ZFHX3: variants seen among roughly 807,000 people sequenced by gnomAD.
The protein encoded by ZFHX3 is zinc finger homeobox protein 3.
A neutral mutation model predicts 279.1 loss-of-function variants in ZFHX3; 42 were observed. That is an observed-to-expected ratio of 0.15 (90% CI 0.12 to 0.19). The LOEUF is 0.19. Ranked by LOEUF, ZFHX3 falls within the 10% of genes least tolerant of loss-of-function variation. The pLI is 1.00. For missense variants in ZFHX3, 4,981 were observed against 4,754.0 expected (o/e 1.05, Z -1.40); for synonymous variants, 2,293 against 1,957.8 (o/e 1.17, Z -4.52).
intron 1 of ZFHX3, among the ~76,000 whole-genome samples, chr16:73,863,178 C>T (rs1474301293): frequency 6.6e-6 from 1 of 152,106 alleles, no homozygotes; most frequent in African/African-American, 2.4e-5. Context: ...TGCACTCCAG[C>T]CTGGGCGACA....
chr16:73,830,395 G>T (rs929594105), intron 1 of ZFHX3, among the ~76,000 whole-genome samples: 4 of 151,928 alleles, frequency 2.6e-5, no homozygotes, highest in Admixed American at 2.0e-4. Context: ...GCTGTAGACC[G>T]GAGCTGTTCC....
chr16:73,074,296 T>A (rs1281002563), intron 8 of ZFHX3, among the ~76,000 whole-genome samples: 1 of 152,204 alleles, frequency 6.6e-6, no homozygotes, highest in Admixed American at 6.5e-5. Flanking sequence ...CTCACCCAGC[T>A]CCTCATATTC....
chr16:73,500,893 T>C (rs939170799), intron 2 of ZFHX3, among the ~76,000 whole-genome samples: 1 of 152,196 alleles, frequency 6.6e-6, no homozygotes, highest in Non-Finnish European at 1.5e-5. Context: ...AATACTGTAA[T>C]AAATCTAACG....
intron 1 of ZFHX3, among the ~76,000 whole-genome samples, chr16:73,766,131 G>A (rs190170444): frequency 9.2e-5 from 14 of 152,190 alleles, no homozygotes; most frequent in African/African-American, 1.7e-4. Flanking sequence ...AATCCGTTAC[G>A]GAAAAAGCAT....
rs759134581 is a variant in ZFHX3, at chr16:72,797,002, C to T, written c.5680G>A (p.Asp1894Asn). Residue 1894 changes from aspartate (D) to asparagine (N), a missense_variant, in exon 9 of 10, where the codon GAC becomes AAC. Asp to Asn is a conservative substitution (Grantham distance 23). Coordinates refer to ENST00000268489, the MANE Select transcript of ZFHX3 (RefSeq NM_006885.4). ...TTGCCCTCTCCCCCCTCGGCGCTGTCCCTCTCTCTCTGGCTTTCTTTTTCC... is the reference window on the plus strand; with the variant it reads ...TTGCCCTCTCCCCCCTCGGCGCTGTTCCTCTCTCTCTGGCTTTCTTTTTCC... The part of the protein sequence containing the change: ...EKEKESQRER[D>N]SAEGGEGNTG... 1.2e-6 allele frequency: 2 copies of T among 1,614,054 alleles called. No individual in the cohort carries two copies. Among genetic ancestry groups the T allele is most frequent in the Non-Finnish European group, 1.7e-6 (2 of 1,180,018 alleles).
At chr16:73,320,400 G>A (rs980822788) in intron 3 of ZFHX3, among the ~76,000 whole-genome samples, 3 of 152,140 alleles carry the variant, frequency 2.0e-5, no homozygotes, top group African/African-American at 4.8e-5. Flanking sequence ...TAATAACCGC[G>A]AGGGTGGCAA....
chr16:73,636,132 G>A (rs577423175), intron 2 of ZFHX3, among the ~76,000 whole-genome samples: 1 of 152,104 alleles, frequency 6.6e-6, no homozygotes, highest in Non-Finnish European at 1.5e-5. Flanking sequence ...TATAATTTCA[G>A]TTCTCATATA....
intron 7 of ZFHX3, among the ~76,000 whole-genome samples, chr16:73,108,580 T>C (rs1966333258): frequency 6.6e-6 from 1 of 152,006 alleles, no homozygotes; most frequent in South Asian, 2.1e-4. Flanking sequence ...AAACTAAATT[T>C]TGGATATCTT....
At chr16:73,432,557 T>C (rs551324299) in intron 3 of ZFHX3, among the ~76,000 whole-genome samples, 1 of 152,334 alleles carries the variant, frequency 6.6e-6, no homozygotes, top group Non-Finnish European at 1.5e-5. Flanking sequence ...ATGCATTCTG[T>C]TATTCACATA....
At chr16:72,897,159 T>C (rs376021535) in intron 3 of ZFHX3, among the ~76,000 whole-genome samples, 3 of 152,144 alleles carry the variant, frequency 2.0e-5, no homozygotes, top group African/African-American at 4.8e-5. Context: ...TCTCAGTCCA[T>C]TGAACTGGAG....
At chr16:73,524,527 T>G (rs1167131762) in intron 2 of ZFHX3, among the ~76,000 whole-genome samples, 2 of 152,240 alleles carry the variant, frequency 1.3e-5, no homozygotes, top group Non-Finnish European at 1.5e-5. Context: ...GAAAACAGCT[T>G]GATTCTCATG....
intron 3 of ZFHX3, among the ~76,000 whole-genome samples, chr16:72,928,703 T>C (rs1959624134): frequency 6.6e-6 from 1 of 152,196 alleles, no homozygotes; most frequent in Non-Finnish European, 1.5e-5. Context: ...TTAGGCCAGA[T>C]ATAGTGGCTC....
chr16:72,959,555 A>G lies in ZFHX3; in HGVS notation c.591T>C (p.Thr197=). The change falls in exon 2 of 10, where the codon ACT becomes ACC. Residue 197 remains threonine (T), a synonymous_variant. Coordinates refer to ENST00000268489, the MANE Select transcript of ZFHX3 (RefSeq NM_006885.4). ...AAPVYPQIIN[T]FHIASSFGKW... ...TCCCGAAGGATGAGGCTATGTGGAA[A>G]GTGTTGATGATCTGCGGGTACACGG... 4 of 1,614,258 alleles carry G rather than the reference A, an allele frequency of 2.5e-6. No homozygotes were observed. Among genetic ancestry groups the G allele is most frequent in the Non-Finnish European group, 3.4e-6 (4 of 1,180,046 alleles).
intron 5 of ZFHX3, among the ~76,000 whole-genome samples, chr16:73,237,237 T>C (rs1406668290): frequency 1.3e-5 from 2 of 152,196 alleles, no homozygotes; most frequent in Non-Finnish European, 2.9e-5. Context: ...ACCCGTGACT[T>C]AAAGGTGCCT....
intron 2 of ZFHX3, among the ~76,000 whole-genome samples, chr16:73,498,381 C>T (rs771800000): frequency 6.6e-6 from 1 of 152,104 alleles, no homozygotes; most frequent in Non-Finnish European, 1.5e-5. Context: ...CGTGAGTGTG[C>T]GCATGTGTGT....
intron 1 of ZFHX3, among the ~76,000 whole-genome samples, chr16:73,774,746 G>A (rs1475084281): frequency 2.0e-5 from 3 of 152,162 alleles, no homozygotes; most frequent in Non-Finnish European, 4.4e-5. Context: ...GACAACGGTG[G>A]TTTTCTTAAT....
chr16:73,517,825 G>A (rs570566632), intron 2 of ZFHX3, among the ~76,000 whole-genome samples: 2 of 152,176 alleles, frequency 1.3e-5, no homozygotes, highest in Middle Eastern at 3.4e-3. Flanking sequence ...CTAAAGCAGT[G>A]TTTTCTAACA....
Position 72,797,089 on chromosome 16 carries a change from A to T in ZFHX3, c.5593T>A (p.Ser1865Thr), listed in dbSNP as rs1201200791. ...QNQLSIAQSH[S>T]ALLQPSQHPE... ...TGCTGGCTTGGCTGAAGGAGGGCAG[A>T]GTGACTCTGGGCTATAGAGAGTTGG... The change falls in exon 9 of 10, where the codon TCT becomes ACT. Residue 1865 changes from serine (S) to threonine (T), a missense_variant. Around this residue, in one of 7 missense-constraint regions of ZFHX3, gnomAD observed 1,751 missense variants for 1,770.0 expected, o/e 0.99. Transcript: ENST00000268489. The T allele has an allele frequency of 6.2e-7, 1 of 1,613,874 alleles. No homozygotes were observed.
chr16:72,904,148 T>G (rs773981234), intron 3 of ZFHX3, among the ~76,000 whole-genome samples: 7 of 152,080 alleles, frequency 4.6e-5, no homozygotes, highest in Admixed American at 3.3e-4. Context: ...GGTGGATCAC[T>G]TGAGGCCAGA....
Sources: allele counts gnomAD v4.1 joint callset (sites outside exome capture counted in the v4.1 genomes callset), GRCh38; gene constraint gnomAD v4.1.1; regional missense constraint gnomAD v4.1.1; transcripts MANE v1.5; gene names NCBI Gene and HGNC (gene_info 2026-07-23, HGNC 2026-07-21).